Variants in CEP95 observed in about 807,000 individuals in gnomAD.
The protein encoded by CEP95 is centrosomal protein of 95 kDa.
CEP95 carries 98 observed loss-of-function variants against 111.2 expected under a neutral mutation model. That is an observed-to-expected ratio of 0.88 (90% CI 0.75 to 1.04). The LOEUF is 1.04. CEP95 is among the 50% of genes least tolerant of loss of function. The pLI, the probability that CEP95 is intolerant of heterozygous loss-of-function variation, is 0.00. For synonymous variants in CEP95, 323 were observed against 327.1 expected (o/e 0.99, Z 0.14); for missense variants, 1,027 against 977.2 (o/e 1.05, Z -0.68).
intron 5 of CEP95, among the ~76,000 whole-genome samples, chr17:64,517,263 C>A (rs1314330267): frequency 2.0e-5 from 3 of 151,932 alleles, no homozygotes; most frequent in Non-Finnish European, 4.4e-5. Flanking sequence ...GTCAGGCTGG[C>A]CTCGAACTCC....
intron 3 of CEP95, among the ~76,000 whole-genome samples, chr17:64,514,002 C>G (rs529520803): frequency 6.6e-6 from 1 of 152,238 alleles, no homozygotes; most frequent in Admixed American, 6.5e-5. Flanking sequence ...TTATTAGACG[C>G]CATATTTAAA....
Position 64,525,882 on chromosome 17 carries a change from G to C in CEP95, c.1022G>C (p.Arg341Thr), listed in dbSNP as rs782785993. ...PRTRKPPKGK[R>T]NENRATASSC... ...ACAAGGAAGCCTCCCAAAGGAAAAA[G>C]GTAACATTACTGCAGACTTCAGTGT... Residue 341 changes from arginine to threonine, a missense_variant and splice_region_variant, in exon 9 of 20, where the codon AGA becomes ACA. Arg to Thr is a moderately conservative substitution (Grantham distance 71). Transcript: ENST00000556440. 6.4e-7 allele frequency: 1 copy of C among 1,561,142 alleles called. No homozygotes were observed. Among genetic ancestry groups the C allele is most frequent in the East Asian group, 2.2e-5 (1 of 44,464 alleles).
At chr17:64,520,511 G>A (rs1204580314) in intron 6 of CEP95, 8 of 147,850 alleles carry the variant, frequency 5.4e-5, no homozygotes, top group South Asian at 2.1e-4. Flanking sequence ...CCAGGGTGGA[G>A]TGCGGTGGCG....
Position 64,526,330 on chromosome 17 carries a change from G to A in CEP95, c.1152+130G>A, listed in dbSNP as rs548057023. 6.1e-5 allele frequency: 55 copies of A among 897,090 alleles called. No homozygotes were observed. In the South Asian group the frequency reaches 9.0e-4, roughly 15 times the overall value. 55.6% of individuals were successfully genotyped at this position (897,090 alleles called of 1,614,324 possible). The stretch of plus-strand genomic sequence containing the variant: ...TTAATAGTTACTGTGAAAATGTTCC[G>A]TAAGTCAAGCAGGTAGAACAGGAAG... On this transcript the variant is annotated intron_variant, in intron 10 of 19. Transcript: ENST00000556440.
Position 64,508,653 on chromosome 17 carries a change from A to T in CEP95, c.81A>T (p.Glu27Asp). ...FKCHIHLRIH[E>D]LQDCDANVFI... ...GTCATATACATCTGAGAATACATGA[A>T]CTTCAAGACTGTGATGCTAATGTTT... The change falls in exon 2 of 20, where the codon GAA (glutamate) becomes GAT (aspartate). Residue 27 changes from glutamate to aspartate, a missense_variant. Coordinates refer to ENST00000556440, the MANE Select transcript of CEP95 (RefSeq NM_138363.3). The T allele has an allele frequency of 1.4e-6, 2 of 1,466,552 alleles. No homozygotes were observed. Among genetic ancestry groups the T allele is most frequent in the South Asian group, 3.1e-5 (2 of 64,802 alleles). The allele number at this position is 1,466,552 out of a possible 1,614,324, so 90.8% of individuals were successfully genotyped here.
At chr17:64,516,662 C>T (rs1555676319) in intron 4 of CEP95, 61 bp from the exon 5 acceptor site, 1 of 1,012,702 alleles carries the variant, frequency 9.9e-7, no homozygotes, top group East Asian at 2.5e-5. Context: ...CTGCCTCTTA[C>T]ATAGAAAAAG....
intron 17 of CEP95, chr17:64,536,057 CAG>C (rs782795946): frequency 2.6e-5 from 4 of 152,144 alleles, no homozygotes; most frequent in South Asian, 2.1e-4. Flanking sequence ...AAGGATGGGA[CAG>C]GGGGAATGAG....
intron 7 of CEP95, among the ~76,000 whole-genome samples, chr17:64,522,243 G>A (rs925843062): frequency 1.3e-5 from 2 of 152,072 alleles, no homozygotes; most frequent in Non-Finnish European, 2.9e-5. Flanking sequence ...GTTTTGTAAC[G>A]TGGACGAACC....
chr17:64,507,233 C>T (rs570574287), intron 1 of CEP95, 117 bp downstream of exon 1: 5 of 1,523,610 alleles, frequency 3.3e-6, no homozygotes, highest in African/African-American at 1.4e-5. Context: ...CCTTCAGACG[C>T]CGCGTCGCGC....
intron 5 of CEP95, among the ~76,000 whole-genome samples, chr17:64,518,291 T>C (rs1598202150): frequency 1.3e-5 from 2 of 152,248 alleles, no homozygotes; most frequent in South Asian, 4.1e-4. Flanking sequence ...TTAAATATTA[T>C]CAAAAACGTG....
rs560970111 is a variant in CEP95 at position 64,537,292 on chromosome 17, A to G, written c.2289+180A>G. The G allele has an allele frequency of 3.7e-5, 52 of 1,408,014 alleles. No individual in the cohort carries two copies. In the African/African-American group the frequency reaches 6.4e-4, roughly 17 times the overall value. 87.2% of individuals were successfully genotyped at this position (1,408,014 alleles called of 1,614,324 possible). On this transcript the variant is annotated intron_variant, in intron 19 of 19. Coordinates refer to ENST00000556440, the MANE Select transcript of CEP95 (RefSeq NM_138363.3). ...TTTTGCACAACAACAAAATCATTTA[A>G]TGATGCATTTCTTGGAACATATCTC...
chr17:64,527,294 G>A, intron 11 of CEP95, 30 bp downstream of exon 11: 1 of 1,560,904 alleles, frequency 6.4e-7, no homozygotes, highest in South Asian at 1.2e-5. Context: ...TGAGAAGGGG[G>A]ACATCCATGT....
chr17:64,507,326 A>G (rs1201502653), intron 1 of CEP95: 7 of 1,438,872 alleles, frequency 4.9e-6, no homozygotes, highest in Non-Finnish European at 6.4e-6. Context: ...TGTGGGAGAG[A>G]GAGAGGCACT....
rs1224534858 is a variant in CEP95 at position 64,507,007 on chromosome 17, C to T, written c.-91C>T. 6.2e-6 allele frequency: 9 copies of T among 1,461,884 alleles called. No individual in the cohort carries two copies. Among genetic ancestry groups the T allele is most frequent in the South Asian group, 1.2e-5 (1 of 82,312 alleles). 90.6% of individuals were successfully genotyped at this position (1,461,884 alleles called of 1,614,324 possible). Reference sequence around the variant, plus strand: ...CCGCGCTTTGGTTCGTGCGTCCGCGCCCCAGTGTCGGGTCTGCGTGGATCG... The same window carrying T: ...CCGCGCTTTGGTTCGTGCGTCCGCGTCCCAGTGTCGGGTCTGCGTGGATCG... On this transcript the variant is annotated 5_prime_UTR_variant, in exon 1 of 20. Transcript: ENST00000556440.
chr17:64,514,263 AAGG>A lies in CEP95; in HGVS notation c.275_277del (p.Gly92del). On this transcript the variant is annotated inframe_deletion, in exon 4 of 20. Transcript: ENST00000556440. ...CTGTCTCCAGGAGAAAATATAGTGA[AAGG>A]AGATAAAGAATCTATTAAGAATCTC... 1 of 1,394,086 alleles carries A rather than the reference AAGG, an allele frequency of 7.2e-7. No homozygotes were observed. Among genetic ancestry groups the A allele is most frequent in the East Asian group, 2.5e-5 (1 of 39,958 alleles). 86.4% of individuals were successfully genotyped at this position (1,394,086 alleles called of 1,614,324 possible).
rs548051044 is a variant in CEP95, at chr17:64,510,266, T to C, written c.242T>C (p.Leu81Ser). 1 of 1,599,202 alleles carries C rather than the reference T, an allele frequency of 6.3e-7. No individual in the cohort carries two copies. The highest frequency in any genetic ancestry group is 1.1e-5 in the South Asian group (1 of 89,982). Residue 81 changes from leucine to serine, a missense_variant, in exon 3 of 20, where the codon TTG becomes TCG. Leu to Ser is a moderately radical substitution (Grantham distance 145). Coordinates refer to ENST00000556440, the MANE Select transcript of CEP95 (RefSeq NM_138363.3). ...SLALDYLQVS[L>S]SHITGENIVK... ...GCCTTGGACTACTTGCAGGTCAGCT[T>C]GTCTCACATAACAGGTTGGTATATG...
At chr17:64,534,982 C>A (rs1264420308) in intron 17 of CEP95, 4 of 463,768 alleles carry the variant, frequency 8.6e-6, no homozygotes, top group African/African-American at 7.9e-5. Context: ...CTGCCTCCTA[C>A]ACATAACAGG....
At chr17:64,523,975 TTTA>T (rs1555678556) in intron 8 of CEP95, among the ~76,000 whole-genome samples, 1 of 152,220 alleles carries the variant, frequency 6.6e-6, no homozygotes, top group Non-Finnish European at 1.5e-5. Flanking sequence ...ATTTTCATTA[TTTA>T]AACATTCAAG....
In CEP95 at chr17:64,536,689, G is replaced by A. The variant is rs781862252; in HGVS notation, c.2158G>A (p.Glu720Lys). ...LRNYAKEKRD[E>K]QRRRHQDELD... ...AAACTATGCCAAAGAAAAGCGAGAT[G>A]AACAAAGGAGACGCCACCAGGATGA... Residue 720 changes from glutamate to lysine, a missense_variant, in exon 18 of 20, where the codon GAA becomes AAA. Glu to Lys is a moderately conservative substitution (Grantham distance 56). Coordinates refer to ENST00000556440, the MANE Select transcript of CEP95 (RefSeq NM_138363.3). The A allele has an allele frequency of 1.9e-6, 3 of 1,613,330 alleles. No individual in the cohort carries two copies. The highest frequency in any genetic ancestry group is 2.5e-6 in the Non-Finnish European group (3 of 1,179,664).
Sources: gnomAD v4.1 joint callset for allele counts (sites outside exome capture counted in the v4.1 genomes callset) on GRCh38, gnomAD v4.1.1 for gene constraint, MANE v1.5 for transcripts, NCBI Gene and HGNC (gene_info 2026-07-23, HGNC 2026-07-21) for gene names.